RINT1: variants seen among roughly 807,000 people sequenced by gnomAD.
The protein encoded by RINT1 is RAD50 interactor 1, also known as RAD50-interacting protein 1.
In RINT1, 75 loss-of-function variants were observed where a neutral mutation model predicts 97.7. The ratio of observed to expected loss-of-function variants is 0.77; its 90% CI spans 0.64 to 0.93. RINT1 has a LOEUF of 0.93. RINT1 is among the 40% of genes least tolerant of loss of function. The probability of loss-of-function intolerance (pLI) is 0.00; values close to 1 mark genes in which losing one functional copy is unlikely to be tolerated. For missense variants in RINT1, 892 were observed against 925.2 expected, an observed-to-expected ratio of 0.96 and a Z score of 0.47; for synonymous variants, 303 against 326.3, an observed-to-expected ratio of 0.93 and a Z score of 0.77.
intron 4 of RINT1, 152 bp from the exon 5 acceptor site, chr7:105,546,758 C>T: frequency 1.7e-6 from 1 of 585,712 alleles, no homozygotes; most frequent in East Asian, 2.9e-5. Flanking sequence ...TGCCTGTAAT[C>T]CCAGCTACTG....
intron 11 of RINT1, among the ~76,000 whole-genome samples, chr7:105,558,974 C>T (rs1038875523): frequency 6.6e-6 from 1 of 152,010 alleles, no homozygotes; most frequent in African/African-American, 2.4e-5. Flanking sequence ...ATGAATTAGC[C>T]ATCATCCCTA....
chr7:105,532,699 C>A, intron 1 of RINT1, 125 bp from the exon 2 acceptor site: 1 of 1,032,418 alleles, frequency 9.7e-7, no homozygotes, highest in Non-Finnish European at 1.5e-6. Flanking sequence ...CGGCCCTGGT[C>A]GCTCAGAAAG....
intron 10 of RINT1, among the ~76,000 whole-genome samples, chr7:105,552,666 C>CTTTTTTTTTTTTT (rs386410906): frequency 3.7e-5 from 3 of 80,040 alleles, no homozygotes; most frequent in Non-Finnish European, 6.9e-5. Flanking sequence ...TAAATAATTC[C>CTTTTTTTTTTTTT]TTTTTTTTTT....
intron 3 of RINT1, among the ~76,000 whole-genome samples, chr7:105,539,719 T>C (rs772941486): frequency 2.0e-5 from 3 of 152,136 alleles, no homozygotes; most frequent in African/African-American, 7.2e-5. Flanking sequence ...ATTGGGAGCT[T>C]TGTAGAAATG....
intron 2 of RINT1, 69 bp downstream of exon 2, chr7:105,532,938 A>G (rs1790092379): frequency 2.8e-6 from 4 of 1,446,014 alleles, no homozygotes; most frequent in Non-Finnish European, 3.9e-6. Flanking sequence ...TCTGCAATAT[A>G]GAAAGGTTCT....
chr7:105,554,764 T>A lies in RINT1; in HGVS notation c.1472-264T>A, dbSNP rs187306578. Among the ~76,000 whole-genome samples, 12 of 152,328 alleles carry A rather than the reference T, an allele frequency of 7.9e-5. No individual in the cohort carries two copies. In the East Asian group the frequency reaches 2.3e-3, roughly 29 times the overall value. The stretch of plus-strand genomic sequence containing the variant: ...CAAAACTGTCATTTTTATGTATAAT[T>A]TTTTCATTTGCCTTTTTGAAAACTT... On this transcript the variant is annotated intron_variant, in intron 10 of 14. Transcript: ENST00000257700.
intron 4 of RINT1, among the ~76,000 whole-genome samples, chr7:105,545,450 TAAA>T (rs886298162): frequency 7.2e-6 from 1 of 138,906 alleles, no homozygotes; most frequent in Non-Finnish European, 1.6e-5. Context: ...GAGACTCTTT[TAAA>T]AAAAAAAAAA....
chr7:105,532,485 T>C, intron 1 of RINT1, 128 bp downstream of exon 1: 2 of 1,077,088 alleles, frequency 1.9e-6, no homozygotes, highest in Middle Eastern at 2.0e-4. Context: ...GCGGCTTAGA[T>C]TAGAGGCCCT....
At chr7:105,565,685 A>C in intron 14 of RINT1, 37 bp downstream of exon 14, 2 of 1,357,252 alleles carry the variant, frequency 1.5e-6, no homozygotes, top group South Asian at 2.4e-5. Flanking sequence ...TTAATGTATC[A>C]AATTGTTACA....
intron 9 of RINT1, among the ~76,000 whole-genome samples, chr7:105,551,113 C>G (rs559391734): frequency 6.6e-6 from 1 of 152,112 alleles, no homozygotes; most frequent in Non-Finnish European, 1.5e-5. Flanking sequence ...ACTGCAGCCT[C>G]GACCTCTGGG....
intron 1 of RINT1, 67 bp from the exon 2 acceptor site, chr7:105,532,757 G>C: frequency 6.5e-7 from 1 of 1,547,068 alleles, no homozygotes. Context: ...TGCCCTTTGG[G>C]AGCCCCGTAT....
intron 10 of RINT1, among the ~76,000 whole-genome samples, chr7:105,553,093 G>T (rs1372763587): frequency 6.6e-6 from 1 of 151,876 alleles, no homozygotes; most frequent in Non-Finnish European, 1.5e-5. Flanking sequence ...ACAAAAGTAG[G>T]ATAATATGAT....
At chr7:105,539,562 G>T in intron 3 of RINT1, among the ~76,000 whole-genome samples, 1 of 152,022 alleles carries the variant, frequency 6.6e-6, no homozygotes, top group Non-Finnish European at 1.5e-5. Context: ...GTTTCTCCAT[G>T]TTGGTCAGGT....
At position 105,567,326 on chromosome 7, in the gene RINT1, A is replaced by G. The variant is rs1389599776; in HGVS notation, c.*15A>G. On this transcript the variant is annotated 3_prime_UTR_variant, in exon 15 of 15. Transcript: ENST00000257700. ...CTGGAAAATAATGTCTTTCAGAAAAAGGTTTCTTTGGTTTTTGTTTCTAAG... is the reference window on the plus strand; with the variant it reads ...CTGGAAAATAATGTCTTTCAGAAAAGGGTTTCTTTGGTTTTTGTTTCTAAG... The G allele has an allele frequency of 6.4e-7, 1 of 1,557,634 alleles. No homozygotes were observed. The highest frequency in any genetic ancestry group is 2.3e-5 in the East Asian group (1 of 44,258).
At chr7:105,565,171 ATCC>A in intron 12 of RINT1, 103 bp from the exon 13 acceptor site, 1 of 901,532 alleles carries the variant, frequency 1.1e-6, no homozygotes. Context: ...ATTTTTTCTT[ATCC>A]AAAATGCCCT....
intron 4 of RINT1, 29 bp downstream of exon 4, chr7:105,542,678 T>G (rs1216919161): frequency 1.2e-6 from 2 of 1,605,864 alleles, no homozygotes; most frequent in Admixed American, 1.7e-5. Context: ...TTCTCACAAT[T>G]ACTATTTTCC....
intron 13 of RINT1, 31 bp downstream of exon 13, chr7:105,565,488 G>A: frequency 1.9e-6 from 3 of 1,610,718 alleles, no homozygotes; most frequent in South Asian, 1.1e-5. Context: ...TTTGGGCTGT[G>A]ATAATAAAGA....
intron 11 of RINT1, among the ~76,000 whole-genome samples, chr7:105,560,467 G>A (rs1389179429): frequency 6.6e-6 from 1 of 152,178 alleles, no homozygotes; most frequent in African/African-American, 2.4e-5. Context: ...GGGGGCACGG[G>A]AGGAGAGAGG....
At position 105,550,140 on chromosome 7, in the gene RINT1, A is replaced by G. The variant is rs576829729; in HGVS notation, c.1082A>G (p.Lys361Arg). The change falls in exon 8 of 15, where the codon AAA becomes AGA. Residue 361 changes from lysine to arginine, a missense_variant. Transcript: ENST00000257700. ...LDEKIQPILD[K>R]VGSLVNARLE... Reference sequence around the variant, plus strand: ...GAGAAGATTCAGCCAATATTAGACAAAGTAGGCTCTTTGGTAAACGCAAGG... The same window carrying G: ...GAGAAGATTCAGCCAATATTAGACAGAGTAGGCTCTTTGGTAAACGCAAGG... 3.2e-5 allele frequency: 51 copies of G among 1,613,636 alleles called. No homozygotes were observed. In the East Asian group the frequency reaches 1.0e-3, roughly 32 times the overall value.
Sources: gnomAD v4.1 joint callset for allele counts (sites outside exome capture counted in the v4.1 genomes callset) on GRCh38, gnomAD v4.1.1 for gene constraint, MANE v1.5 for transcripts, NCBI Gene and HGNC (gene_info 2026-07-23, HGNC 2026-07-21) for gene names.